Variants in MATN2 observed in about 807,000 individuals in gnomAD.
MATN2 encodes the protein matrilin 2, also known as matrilin-2.
MATN2 carries 69 observed loss-of-function variants against 103.2 expected under a neutral mutation model. That is an observed-to-expected ratio of 0.67 (90% CI 0.55 to 0.82). The LOEUF is 0.82. Among genes scored for constraint, MATN2 ranks in the 40% least tolerant of loss-of-function variants. The pLI is 0.00. For synonymous variants in MATN2, 429 were observed against 450.2 expected, an observed-to-expected ratio of 0.95 and a Z score of 0.60; for missense variants, 1,023 against 1,211.5, an observed-to-expected ratio of 0.84 and a Z score of 2.31.
chr8:98,033,101 C>A lies in MATN2; in HGVS notation c.2641C>A (p.Gln881Lys). The change falls in exon 17 of 19, where the codon CAA becomes AAA. Residue 881 changes from glutamine (Q) to lysine (K), a missense_variant. By Grantham distance (53) the Gln-to-Lys change is moderately conservative (BLOSUM62 1). Coordinates refer to ENST00000254898, the MANE Select transcript of MATN2 (RefSeq NM_002380.5). Reference sequence around the variant, plus strand: ...ACTTTCCTGTTCTAATTTTGCAGTGCAACACAGATATCTGTTTGAAGAAGA... The same window carrying A: ...ACTTTCCTGTTCTAATTTTGCAGTGAAACACAGATATCTGTTTGAAGAAGA... The part of the protein sequence containing the change: ...DLLSCSNFAV[Q>K]HRYLFEEDNL... 6.2e-7 allele frequency: 1 copy of A among 1,611,740 alleles called. No individual in the cohort carries two copies. The highest frequency in any genetic ancestry group is 8.5e-7 in the Non-Finnish European group (1 of 1,178,802).
At chr8:97,952,967 G>A (rs1166075582) in intron 4 of MATN2, among the ~76,000 whole-genome samples, 1 of 132,236 alleles carries the variant, frequency 7.6e-6, no homozygotes, top group East Asian at 2.3e-4. Context: ...CTGTCTCCCA[G>A]GCTGGAGTGC....
chr8:97,891,725 T>C (rs1818638078), intron 2 of MATN2, among the ~76,000 whole-genome samples: 1 of 152,178 alleles, frequency 6.6e-6, no homozygotes, highest in Non-Finnish European at 1.5e-5. Flanking sequence ...GTGGGTTAGA[T>C]CTATTGGTAT....
intron 2 of MATN2, among the ~76,000 whole-genome samples, chr8:97,912,216 C>T (rs1809471402): frequency 6.6e-6 from 1 of 152,178 alleles, no homozygotes; most frequent in Non-Finnish European, 1.5e-5. Flanking sequence ...TGAATAAATA[C>T]CATTCCACTT....
intron 5 of MATN2, among the ~76,000 whole-genome samples, chr8:97,973,571 CTTTT>C (rs10546662): frequency 5.9e-5 from 7 of 118,718 alleles, no homozygotes; most frequent in Admixed American, 8.5e-5. Flanking sequence ...ATTTACAAAT[CTTTT>C]TTTTTTTTTT....
intron 11 of MATN2, 69 bp downstream of exon 11, chr8:98,016,731 C>T: frequency 6.4e-7 from 1 of 1,550,574 alleles, no homozygotes; most frequent in Non-Finnish European, 8.8e-7. Flanking sequence ...ATCCTTATCT[C>T]TGTATATATC....
At chr8:97,896,678 G>T (rs1024259988) in intron 2 of MATN2, among the ~76,000 whole-genome samples, 1 of 151,162 alleles carries the variant, frequency 6.6e-6, no homozygotes, top group African/African-American at 2.4e-5. Flanking sequence ...GCAGGGCTGG[G>T]CAGTGGGATC....
intron 2 of MATN2, among the ~76,000 whole-genome samples, chr8:97,910,717 TAG>T (rs1809385831): frequency 6.6e-6 from 1 of 152,188 alleles, no homozygotes; most frequent in Admixed American, 6.5e-5. Flanking sequence ...ATTCTAGAGT[TAG>T]AGTCCCTACA....
intron 5 of MATN2, among the ~76,000 whole-genome samples, chr8:97,972,598 TCC>T (rs1407067959): frequency 6.6e-6 from 1 of 152,250 alleles, no homozygotes; most frequent in African/African-American, 2.4e-5. Flanking sequence ...CTAATGCCAT[TCC>T]CTTGCAGACG....
intron 2 of MATN2, among the ~76,000 whole-genome samples, chr8:97,916,700 G>A (rs1036911979): frequency 6.6e-6 from 1 of 152,130 alleles, no homozygotes; most frequent in East Asian, 1.9e-4. Context: ...GAGAGAGGAC[G>A]TGAGGGGTAT....
At chr8:97,977,374 C>T (rs543144689) in intron 5 of MATN2, among the ~76,000 whole-genome samples, 19 of 151,676 alleles carry the variant, frequency 1.3e-4, no homozygotes, top group East Asian at 5.8e-4. Context: ...AATTAGAGCA[C>T]GCCACCCTAA....
rs188745642 is a variant in MATN2, at chr8:97,894,933, C to T, written c.142+6691C>T. Among the ~76,000 whole-genome samples the T allele has an allele frequency of 5.4e-3, 821 of 151,742 alleles. 3 individuals carry two copies. Among genetic ancestry groups the T allele is most frequent in the African/African-American group, 0.019 (775 of 41,352 alleles). On this transcript the variant is annotated intron_variant, in intron 2 of 18. Coordinates refer to ENST00000254898, the MANE Select transcript of MATN2 (RefSeq NM_002380.5). The stretch of plus-strand genomic sequence containing the variant: ...TGTCACCCAGGCTGGAGTGCAGTGG[C>T]GTGATCTTGGCTCACTGCAACCTCC...
At position 98,003,690 on chromosome 8, in the gene MATN2, G is replaced by C. The variant is rs1286331838; in HGVS notation, c.1234G>C (p.Gly412Arg). The C allele has an allele frequency of 1.2e-6, 2 of 1,613,694 alleles. No homozygotes were observed. The highest frequency in any genetic ancestry group is 2.7e-5 in the African/African-American group (2 of 74,902). Residue 412 changes from glycine to arginine, a missense_variant, in exon 8 of 19, where the codon GGC (glycine) becomes CGC (arginine). By Grantham distance (125) the Gly-to-Arg change is moderately radical. Transcript: ENST00000254898. ...CAACTACTGTGCACTGAACAAACCGGGCTGTGAGCATGAGTGCGTCAACAT... is the reference window on the plus strand; with the variant it reads ...CAACTACTGTGCACTGAACAAACCGCGCTGTGAGCATGAGTGCGTCAACAT... ...RINYCALNKP[G>R]CEHECVNMEE...
intron 7 of MATN2, among the ~76,000 whole-genome samples, chr8:97,997,260 G>A (rs76246338): frequency 0.045 from 6,820 of 152,288 alleles, 501 homozygotes; most frequent in African/African-American, 0.15. Context: ...ACTGAGCCAA[G>A]AGACGTGACG....
At chr8:97,975,829 G>A (rs920019131) in intron 5 of MATN2, among the ~76,000 whole-genome samples, 4 of 152,198 alleles carry the variant, frequency 2.6e-5, no homozygotes, top group Non-Finnish European at 5.9e-5. Flanking sequence ...AGACTGGACC[G>A]TGTGCCAGGG....
At position 97,964,986 on chromosome 8, in the gene MATN2, G is replaced by A. The variant is rs188097503; in HGVS notation, c.958+3456G>A. Among the ~76,000 whole-genome samples, 8 of 152,190 alleles carry A rather than the reference G, an allele frequency of 5.3e-5. No homozygotes were observed. The East Asian group carries it at 1.4e-3, about 26-fold the overall frequency. On this transcript the variant is annotated intron_variant, in intron 5 of 18. Transcript: ENST00000254898. ...TGAGCTCAAGTAGTCTACCTGCCTC[G>A]GCCTCCTAAAGTGCAGGGATTATAG...
chr8:98,011,999 T>C (rs577099659), intron 10 of MATN2, among the ~76,000 whole-genome samples: 12 of 152,348 alleles, frequency 7.9e-5, no homozygotes, highest in African/African-American at 2.9e-4. Flanking sequence ...TGGGTCCTTA[T>C]GTGTAAAAGG....
At position 98,033,046 on chromosome 8, in the gene MATN2, T is replaced by C. The variant is rs1814098156; in HGVS notation, c.2586T>C (p.Ser862=). The C allele has an allele frequency of 6.2e-6, 10 of 1,604,776 alleles. No individual in the cohort carries two copies. In the East Asian group the frequency reaches 2.2e-4, roughly 36 times the overall value. ...LPKTVQQPTE[S]EPVTINIQDL... is the part of the protein sequence containing the mutation. ...CAGTTTTCTTTCTCTTTACAGAATC[T>C]GAGCCAGTCACCATAAATATCCAAG... The change falls in exon 17 of 19, where the codon TCT becomes TCC. Residue 862 remains serine (S), a synonymous_variant. Coordinates refer to ENST00000254898, the MANE Select transcript of MATN2 (RefSeq NM_002380.5).
chr8:97,875,709 T>C (rs1818046097), intron 1 of MATN2, among the ~76,000 whole-genome samples: 1 of 141,818 alleles, frequency 7.1e-6, no homozygotes, highest in East Asian at 2.0e-4. Context: ...TTTTTTTTTT[T>C]TTTTGAGGTG....
intron 6 of MATN2, among the ~76,000 whole-genome samples, chr8:97,991,653 C>T (rs943481165): frequency 2.6e-5 from 4 of 151,432 alleles, no homozygotes; most frequent in Admixed American, 6.6e-5. Context: ...ACCCGGGAGG[C>T]GGAGATTGCA....
Sources: allele counts gnomAD v4.1 joint callset (sites outside exome capture counted in the v4.1 genomes callset), GRCh38; gene constraint gnomAD v4.1.1; transcripts MANE v1.5; gene names NCBI Gene and HGNC (gene_info 2026-07-23, HGNC 2026-07-21).